The following INTS4 variants were observed in gnomAD, a reference collection of about 807,000 sequenced individuals.
The protein encoded by INTS4 is MSTP093.
Under a neutral mutation model 119.5 loss-of-function variants are expected in INTS4, and 70 were observed. That is an observed-to-expected ratio of 0.59 (90% CI 0.48 to 0.71). INTS4 has a LOEUF of 0.71. Ranked by LOEUF, INTS4 falls within the 30% of genes least tolerant of loss-of-function variation. INTS4 has a pLI of 0.00. For synonymous variants in INTS4, 316 were observed against 419.6 expected (o/e 0.75, Z 3.02); for missense variants, 867 against 1,173.2 (o/e 0.74, Z 3.81).
At chr11:77,887,618 G>A (rs1382735275) in intron 21 of INTS4, among the ~76,000 whole-genome samples, 1 of 152,186 alleles carries the variant, frequency 6.6e-6, no homozygotes, top group Admixed American at 6.5e-5. Flanking sequence ...ATTAGGAAAA[G>A]AGGAAGTCAA....
chr11:77,955,519 A>C (rs894199171), intron 8 of INTS4, among the ~76,000 whole-genome samples: 1 of 145,754 alleles, frequency 6.9e-6, no homozygotes, highest in African/African-American at 2.6e-5. Flanking sequence ...TTTTGAGATG[A>C]GAGTCTCCCC....
chr11:77,903,656 G>A (rs780519295), intron 16 of INTS4, 36 bp from the exon 17 acceptor site: 3 of 1,544,916 alleles, frequency 1.9e-6, no homozygotes, highest in Admixed American at 3.5e-5. Flanking sequence ...AGAATACCGA[G>A]GTCACAAAGA....
rs1856672516 is a variant in INTS4 at position 77,991,213 on chromosome 11, G to C, written c.141C>G (p.Thr47=). 1 of 1,614,126 alleles carries C rather than the reference G, an allele frequency of 6.2e-7. No homozygotes were observed. Among genetic ancestry groups the C allele is most frequent in the African/African-American group, 1.3e-5 (1 of 75,032 alleles). ...AGTATTGCAAAGCATCTGCTGGGGA[G>C]GTAGCTTTACACAGATCTATGTGGA... The part of the protein sequence containing the change: ...AALHIDLCKA[T]SPADALQYLL... The change falls in exon 2 of 23, where the codon ACC becomes ACG. Residue 47 remains threonine (T), a synonymous_variant. Coordinates refer to ENST00000534064, the MANE Select transcript of INTS4 (RefSeq NM_033547.4).
chr11:77,884,083 G>C, intron 21 of INTS4, 131 bp from the exon 22 acceptor site: 2 of 876,388 alleles, frequency 2.3e-6, no homozygotes, highest in South Asian at 3.3e-5. Context: ...TTGAGCCTTG[G>C]GGGTAGGTCA....
At chr11:77,939,464 C>A (rs1209938590) in intron 9 of INTS4, among the ~76,000 whole-genome samples, 1 of 151,386 alleles carries the variant, frequency 6.6e-6, no homozygotes, top group Non-Finnish European at 1.5e-5. Context: ...TATCTTCAGT[C>A]CCAGTAAAAG....
intron 8 of INTS4, among the ~76,000 whole-genome samples, chr11:77,950,513 T>A (rs895273866): frequency 6.6e-5 from 10 of 152,024 alleles, no homozygotes; most frequent in Non-Finnish European, 1.3e-4. Context: ...CAACTGCACA[T>A]AAAGGTGACT....
chr11:77,937,144 C>T (rs1195780250), intron 10 of INTS4, among the ~76,000 whole-genome samples: 1 of 151,264 alleles, frequency 6.6e-6, no homozygotes, highest in African/African-American at 2.4e-5. Context: ...CACTGCACTT[C>T]AGCCTGGGCA....
chr11:77,993,775 G>A (rs2136677402), intron 1 of INTS4, among the ~76,000 whole-genome samples: 1 of 152,190 alleles, frequency 6.6e-6, no homozygotes, highest in East Asian at 1.9e-4. Flanking sequence ...ATGCACTGGT[G>A]TAAATTTGGG....
chr11:77,987,364 G>C (rs1368200729), intron 2 of INTS4: 1 of 189,636 alleles, frequency 5.3e-6, no homozygotes, highest in Non-Finnish European at 1.1e-5. Context: ...AGATAACAAT[G>C]GTGCTGTCAC....
chr11:77,885,620 A>G (rs1022976070), intron 21 of INTS4, among the ~76,000 whole-genome samples: 13 of 151,872 alleles, frequency 8.6e-5, no homozygotes, highest in Non-Finnish European at 1.8e-4. Context: ...GGAGTTCAAG[A>G]CCAGTCTGGT....
In INTS4 at chr11:77,949,519, C is replaced by CAA. The variant is rs1177164712; in HGVS notation, c.918+6421_918+6422dup. Among the ~76,000 whole-genome samples the CAA allele has an allele frequency of 1.4e-3, 110 of 76,390 alleles. 1 individual carries two copies. Among genetic ancestry groups the CAA allele is most frequent in the Admixed American group, 2.2e-3 (15 of 6,780 alleles). The allele number at this position is 76,390 out of a possible 152,430, so 50.1% of individuals were successfully genotyped here. On this transcript the variant is annotated intron_variant, in intron 8 of 22. Coordinates refer to ENST00000534064, the MANE Select transcript of INTS4 (RefSeq NM_033547.4). ...TCTACAAAGAACTTAAACAAATTTA[C>CAA]AAAAAAAAAAAAAAAAACCATCAAA...
intron 4 of INTS4, among the ~76,000 whole-genome samples, chr11:77,962,044 A>G (rs887425543): frequency 1.3e-5 from 2 of 152,214 alleles, no homozygotes; most frequent in Non-Finnish European, 2.9e-5. Context: ...TGGGCACAGT[A>G]GCTCATGCCT....
At chr11:77,910,375 T>C (rs1265554420) in intron 15 of INTS4, among the ~76,000 whole-genome samples, 2 of 143,424 alleles carry the variant, frequency 1.4e-5, no homozygotes. Flanking sequence ...TTCTCACTCA[T>C]AGGTGGGAAT....
At chr11:77,939,155 T>C (rs1250503509) in intron 9 of INTS4, among the ~76,000 whole-genome samples, 1 of 152,182 alleles carries the variant, frequency 6.6e-6, no homozygotes, top group Non-Finnish European at 1.5e-5. Flanking sequence ...AAAAGCCATC[T>C]TGGGTAGACA....
chr11:77,919,142 T>C (rs1261746540), intron 14 of INTS4, among the ~76,000 whole-genome samples, 164 bp from the exon 15 acceptor site: 3 of 152,076 alleles, frequency 2.0e-5, no homozygotes, highest in Admixed American at 6.5e-5. Flanking sequence ...CTCAGCAACA[T>C]TGGGAGTTAA....
At chr11:77,890,647 G>A (rs1186842912) in intron 21 of INTS4, among the ~76,000 whole-genome samples, 1 of 152,140 alleles carries the variant, frequency 6.6e-6, no homozygotes, top group Non-Finnish European at 1.5e-5. Context: ...CAATGAAACT[G>A]TGCACACCCC....
At chr11:77,975,297 T>C in intron 4 of INTS4, among the ~76,000 whole-genome samples, 1 of 152,184 alleles carries the variant, frequency 6.6e-6, no homozygotes, top group East Asian at 1.9e-4. Flanking sequence ...TCTCAAAGTA[T>C]TTTCTAATTT....
chr11:77,915,854 C>T (rs1374580314), intron 15 of INTS4, among the ~76,000 whole-genome samples: 1 of 152,216 alleles, frequency 6.6e-6, no homozygotes, highest in African/African-American at 2.4e-5. Flanking sequence ...GTCAATCAAA[C>T]ACATTCGCAT....
chr11:77,958,696 G>A, intron 7 of INTS4, 50 bp downstream of exon 7: 1 of 1,099,082 alleles, frequency 9.1e-7, no homozygotes, highest in Non-Finnish European at 1.4e-6. Flanking sequence ...GGTGAGAGGA[G>A]AGGAAAACGG....
Sources: allele counts gnomAD v4.1 joint callset (sites outside exome capture counted in the v4.1 genomes callset), GRCh38; gene constraint gnomAD v4.1.1; transcripts MANE v1.5; gene names NCBI Gene and HGNC (gene_info 2026-07-23, HGNC 2026-07-21).